Variants in TAFA4 observed in about 807,000 individuals in gnomAD.
TAFA4 encodes the protein chemokine-like protein TAFA-4.
In TAFA4, 20 loss-of-function variants were observed where a neutral mutation model predicts 21.1. The observed-to-expected ratio is 0.95, with a 90% confidence interval of 0.67 to 1.38. TAFA4 has a LOEUF of 1.38. Ranked by LOEUF, TAFA4 falls within the 40% of genes most tolerant of loss-of-function variation. The pLI, the probability that TAFA4 is intolerant of heterozygous loss-of-function variation, is 0.00. For missense variants in TAFA4, 211 were observed against 180.9 expected, an observed-to-expected ratio of 1.17 and a Z score of -0.95; for synonymous variants, 71 against 67.4, an observed-to-expected ratio of 1.05 and a Z score of -0.26.
intron 3 of TAFA4, among the ~76,000 whole-genome samples, chr3:68,814,712 C>T (rs1703924990): frequency 6.6e-6 from 1 of 152,236 alleles, no homozygotes; most frequent in East Asian, 1.9e-4. Context: ...TAGGAAGAAT[C>T]AGTATCGTGA....
chr3:68,901,146 C>T (rs1388752943), intron 1 of TAFA4, among the ~76,000 whole-genome samples: 1 of 152,044 alleles, frequency 6.6e-6, no homozygotes, highest in Admixed American at 6.6e-5. Context: ...ACAAAGAAAG[C>T]CAGACTTCAC....
At chr3:68,822,358 G>A (rs1176241856) in intron 3 of TAFA4, among the ~76,000 whole-genome samples, 1 of 152,094 alleles carries the variant, frequency 6.6e-6, no homozygotes, top group African/African-American at 2.4e-5. Flanking sequence ...GAGTGACAAT[G>A]GCCAGCACAA....
chr3:68,823,661 C>A (rs910076160), intron 3 of TAFA4, among the ~76,000 whole-genome samples: 1 of 152,116 alleles, frequency 6.6e-6, no homozygotes, highest in Admixed American at 6.5e-5. Context: ...TCCATGTGTT[C>A]TCATTGTTCA....
At chr3:68,786,979 A>G (rs1311004379) in intron 3 of TAFA4, among the ~76,000 whole-genome samples, 2 of 152,208 alleles carry the variant, frequency 1.3e-5, no homozygotes, top group Non-Finnish European at 2.9e-5. Context: ...AAGAGTCAGG[A>G]AAAAATATAC....
At chr3:68,913,727 G>A (rs976827393) in intron 1 of TAFA4, 3 of 151,206 alleles carry the variant, frequency 2.0e-5, no homozygotes, top group African/African-American at 7.4e-5. Context: ...GAAATTATCT[G>A]TTACTAATCT....
At chr3:68,914,490 G>T (rs923156193) in intron 1 of TAFA4, among the ~76,000 whole-genome samples, 1 of 152,072 alleles carries the variant, frequency 6.6e-6, no homozygotes. Flanking sequence ...ATTAGCAAAA[G>T]GTATTAAATC....
intron 1 of TAFA4, among the ~76,000 whole-genome samples, chr3:68,895,879 A>G (rs2089783764): frequency 1.3e-5 from 2 of 152,156 alleles, no homozygotes; most frequent in Non-Finnish European, 2.9e-5. Flanking sequence ...AAAAGTGAAC[A>G]ATGTGATGGA....
intron 3 of TAFA4, among the ~76,000 whole-genome samples, chr3:68,794,053 C>G (rs986719787): frequency 6.6e-6 from 1 of 152,042 alleles, no homozygotes; most frequent in Non-Finnish European, 1.5e-5. Flanking sequence ...CTGTATAAAC[C>G]CTGATTTTTT....
intron 5 of TAFA4, among the ~76,000 whole-genome samples, chr3:68,734,994 C>T (rs539741363): frequency 1.3e-5 from 2 of 152,172 alleles, no homozygotes; most frequent in East Asian, 3.9e-4. Flanking sequence ...TATTATTGTA[C>T]TGATTACATG....
chr3:68,825,431 A>G (rs763110654), intron 3 of TAFA4, among the ~76,000 whole-genome samples: 17 of 151,622 alleles, frequency 1.1e-4, no homozygotes, highest in Non-Finnish European at 2.5e-4. Context: ...CCAAAGGAAT[A>G]TAAATTATTC....
chr3:68,881,223 G>A (rs529934584), intron 2 of TAFA4, among the ~76,000 whole-genome samples: 21 of 152,264 alleles, frequency 1.4e-4, no homozygotes, highest in Middle Eastern at 3.4e-3. Context: ...GGATCTGAAA[G>A]AATCCATGGA....
intron 3 of TAFA4, among the ~76,000 whole-genome samples, chr3:68,863,840 T>C (rs1226361187): frequency 1.3e-5 from 2 of 152,138 alleles, no homozygotes; most frequent in Non-Finnish European, 2.9e-5. Flanking sequence ...TTAAAATAAA[T>C]CTATTACTTT....
At chr3:68,754,727 T>C (rs1266396470) in intron 3 of TAFA4, among the ~76,000 whole-genome samples, 2 of 152,184 alleles carry the variant, frequency 1.3e-5, no homozygotes, top group Admixed American at 1.3e-4. Context: ...CACCTACTAG[T>C]TTTAGTACCC....
At chr3:68,798,191 A>G (rs1205042200) in intron 3 of TAFA4, among the ~76,000 whole-genome samples, 10 of 152,168 alleles carry the variant, frequency 6.6e-5, no homozygotes. Context: ...TACTTGATGC[A>G]ATTGGTAAAT....
At chr3:68,887,519 T>A (rs976500645) in intron 1 of TAFA4, among the ~76,000 whole-genome samples, 24 of 152,138 alleles carry the variant, frequency 1.6e-4, no homozygotes, top group African/African-American at 5.8e-4. Context: ...GGCTCCTCCC[T>A]TGTAACAACT....
chr3:68,785,453 C>T (rs541548700), intron 3 of TAFA4, among the ~76,000 whole-genome samples: 3 of 152,220 alleles, frequency 2.0e-5, no homozygotes, highest in African/African-American at 7.2e-5. Context: ...GGTCCCAAGC[C>T]CTGCCCCGCG....
chr3:68,803,129 C>A (rs1219800760), intron 3 of TAFA4, among the ~76,000 whole-genome samples: 3 of 124,744 alleles, frequency 2.4e-5, no homozygotes, highest in Non-Finnish European at 5.3e-5. Context: ...ATTTTCTATC[C>A]ACTACAGCCA....
chr3:68,841,556 T>C (rs1704666641), intron 3 of TAFA4, among the ~76,000 whole-genome samples: 1 of 152,084 alleles, frequency 6.6e-6, no homozygotes, highest in African/African-American at 2.4e-5. Flanking sequence ...GAACTTTTTT[T>C]CTGATTTTTT....
At chr3:68,931,686 A>G (rs1454787227) in intron 1 of TAFA4, among the ~76,000 whole-genome samples, 1 of 147,914 alleles carries the variant, frequency 6.8e-6, no homozygotes, top group Non-Finnish European at 1.5e-5. Flanking sequence ...TTGGGCGGGA[A>G]GCTTTGCGCT....
Sources: allele counts gnomAD v4.1 joint callset (sites outside exome capture counted in the v4.1 genomes callset), GRCh38; gene constraint gnomAD v4.1.1; transcripts MANE v1.5; gene names NCBI Gene and HGNC (gene_info 2026-07-23, HGNC 2026-07-21).